Variants in CLU observed in about 807,000 individuals in gnomAD.
CLU encodes aging-associated protein 4.
In CLU, 25 loss-of-function variants were observed where a neutral mutation model predicts 46.4. The ratio of observed to expected loss-of-function variants is 0.54; its 90% confidence interval spans 0.39 to 0.75. The LOEUF (loss-of-function observed/expected upper bound fraction) is 0.75. CLU is among the 30% of genes least tolerant of loss of function. CLU has a pLI of 0.00. For missense variants in CLU, 504 were observed against 592.1 expected (o/e 0.85, Z 1.54); for synonymous variants, 235 against 235.1 (o/e 1.00, Z 0.00).
At position 27,604,917 on chromosome 8, in the gene CLU, T is replaced by G; in HGVS notation, c.829+7A>C. On this transcript the variant is annotated splice_region_variant and intron_variant, in intron 5 of 8. Transcript: ENST00000316403. ...TCAAAAGGCCATGAGCTTCCACCCC[T>G]TCTCACCTCGTATGAATTCTGTTGG... 2 of 1,614,124 alleles carry G rather than the reference T, an allele frequency of 1.2e-6. No individual in the cohort carries two copies. The highest frequency in any genetic ancestry group is 1.7e-6 in the Non-Finnish European group (2 of 1,180,026).
chr8:27,614,635 G>A lies in CLU; in HGVS notation c.-30+20C>T, dbSNP rs768162381. 4 of 524,952 alleles carry A rather than the reference G, an allele frequency of 7.6e-6. No individual in the cohort carries two copies. Among genetic ancestry groups the A allele is most frequent in the Non-Finnish European group, 1.6e-5 (4 of 253,412 alleles). 32.5% of individuals were successfully genotyped at this position (524,952 alleles called of 1,614,324 possible). A position where few individuals can be genotyped will look rare whatever the true frequency, so the allele number is the denominator to read the frequency against. ...CTGGTGTGGCTCTGCTCAAGGGTAGGGAAGACGGGGACATCTCACCGGTCA... is the reference window on the plus strand; with the variant it reads ...CTGGTGTGGCTCTGCTCAAGGGTAGAGAAGACGGGGACATCTCACCGGTCA... On this transcript the variant is annotated intron_variant, in intron 1 of 8. Coordinates refer to ENST00000316403, the MANE Select transcript of CLU (RefSeq NM_001831.4).
chr8:27,598,069 C>T lies in CLU; in HGVS notation c.*172G>A, dbSNP rs1293887794. Reference sequence around the variant, plus strand: ...CTGTTCTTCCCATGAGCAGCAGAGTCGAGTGTTAGAGTGCAGGATCCAGAG... The same window carrying T: ...CTGTTCTTCCCATGAGCAGCAGAGTTGAGTGTTAGAGTGCAGGATCCAGAG... On this transcript the variant is annotated 3_prime_UTR_variant, in exon 9 of 9. Coordinates refer to ENST00000316403, the MANE Select transcript of CLU (RefSeq NM_001831.4). The T allele has an allele frequency of 4.2e-6, 3 of 715,674 alleles. No individual in the cohort carries two copies. Among genetic ancestry groups the T allele is most frequent in the Non-Finnish European group, 7.7e-6 (3 of 387,778 alleles). The allele number at this position is 715,674 out of a possible 1,614,324, so 44.3% of individuals were successfully genotyped here.
chr8:27,610,349 A>C, intron 2 of CLU, 126 bp downstream of exon 2: 4 of 787,206 alleles, frequency 5.1e-6, no homozygotes, highest in South Asian at 1.4e-5. Context: ...ACCCAGACCC[A>C]GTGCACAAGA....
Position 27,597,525 on chromosome 8 carries a change from G to T in CLU, c.*716C>A, listed in dbSNP as rs1563382028. ...TTTTACAAATAAAACCGCTGCAAAA[G>T]CAATAGCTCTTACAAATAAAACTGA... On this transcript the variant is annotated 3_prime_UTR_variant, in exon 9 of 9. Transcript: ENST00000316403. 2.2e-6 allele frequency: 1 copy of T among 454,150 alleles called. No homozygotes were observed. The highest frequency in any genetic ancestry group is 2.3e-5 in the Admixed American group (1 of 42,570). The allele number at this position is 454,150 out of a possible 1,614,324, so 28.1% of individuals were successfully genotyped here. A position where few individuals can be genotyped will look rare whatever the true frequency, so the allele number is the denominator to read the frequency against.
chr8:27,598,453 T>C lies in CLU; in HGVS notation c.1340+7A>G. On this transcript the variant is annotated splice_region_variant and intron_variant, in intron 8 of 8. Transcript: ENST00000316403. ...TGCAGGCCCGCAGGAAAGGCCCGCCTGCTTACCGGTGCTTTTTGCGGTATT... is the reference window on the plus strand; with the variant it reads ...TGCAGGCCCGCAGGAAAGGCCCGCCCGCTTACCGGTGCTTTTTGCGGTATT... The C allele has an allele frequency of 1.2e-6, 2 of 1,613,948 alleles. No homozygotes were observed. The highest frequency in any genetic ancestry group is 1.3e-5 in the African/African-American group (1 of 75,016).
At chr8:27,600,363 T>C (rs1800698458) in intron 6 of CLU, among the ~76,000 whole-genome samples, 1 of 151,904 alleles carries the variant, frequency 6.6e-6, no homozygotes, top group African/African-American at 2.4e-5. Flanking sequence ...GCCTCCTGAG[T>C]AGCTGGGACT....
At position 27,599,747 on chromosome 8, in the gene CLU, C is replaced by T. The variant is rs372066077; in HGVS notation, c.1164+33G>A. The T allele has an allele frequency of 3.9e-6, 6 of 1,525,542 alleles. No homozygotes were observed. Among genetic ancestry groups the T allele is most frequent in the East Asian group, 2.3e-5 (1 of 42,556 alleles). 94.5% of individuals were successfully genotyped at this position (1,525,542 alleles called of 1,614,324 possible). A position where few individuals can be genotyped will look rare whatever the true frequency, so the allele number is the denominator to read the frequency against. ...TGCTCCCGATCACAGCTCGGGCTCC[C>T]GAGCCACAGCATGTGGCCGGGACAC... is the stretch of plus-strand genomic sequence containing the variant. On this transcript the variant is annotated intron_variant, in intron 7 of 8. Transcript: ENST00000316403. The surrounding 1 kb of genome is among the most constrained non-coding windows in gnomAD (Gnocchi z 4.0).
intron 1 of CLU, 128 bp downstream of exon 1, chr8:27,614,527 C>T (rs1166755541): frequency 5.4e-6 from 2 of 367,018 alleles, no homozygotes; most frequent in South Asian, 2.2e-5. Context: ...GCTTCCTGGG[C>T]TCCGTCGAAA....
Position 27,598,230 on chromosome 8 carries a change from A to G in CLU, c.*11T>C, listed in dbSNP as rs1279388266. 3 of 1,613,802 alleles carry G rather than the reference A, an allele frequency of 1.9e-6. No homozygotes were observed. The African/African-American group carries it at 4.0e-5, about 22-fold the overall frequency. On this transcript the variant is annotated 3_prime_UTR_variant, in exon 9 of 9. Transcript: ENST00000316403. The stretch of plus-strand genomic sequence containing the variant: ...AGATGCCCCCGTAGGTGCAAAAGCA[A>G]CATCCACATCTCACTCCTCCCTGAA...
Position 27,598,160 on chromosome 8 carries a change from G to T in CLU, c.*81C>A. ...GCCTGGTTACTTGGTGACGTGCAGA[G>T]CTCTCTCTGGGGGGCTGCAGCTCAT... is the stretch of plus-strand genomic sequence containing the variant. On this transcript the variant is annotated 3_prime_UTR_variant, in exon 9 of 9. Transcript: ENST00000316403. The T allele has an allele frequency of 1.4e-6, 2 of 1,473,600 alleles. No homozygotes were observed. Among genetic ancestry groups the T allele is most frequent in the East Asian group, 2.3e-5 (1 of 43,918 alleles). The allele number at this position is 1,473,600 out of a possible 1,614,324, so 91.3% of individuals were successfully genotyped here. A position where few individuals can be genotyped will look rare whatever the true frequency, so the allele number is the denominator to read the frequency against.
At position 27,610,498 on chromosome 8, in the gene CLU, G is replaced by T. The variant is rs543157739; in HGVS notation, c.74C>A (p.Thr25Lys). Reference protein sequence around the residue: ...WESGQVLGDQTVSDNELQEMS... With the variant: ...WESGQVLGDQKVSDNELQEMS... ...ACCCTGGAGCTCATTGTCTGAGACC[G>T]TCTGGTCCCCCAGGACCTGCCCACT... The change falls in exon 2 of 9, where the codon ACG (threonine) becomes AAG (lysine). Residue 25 changes from threonine to lysine, a missense_variant. Physicochemically the swap from Thr to Lys is moderately conservative, Grantham distance 78. Coordinates refer to ENST00000316403, the MANE Select transcript of CLU (RefSeq NM_001831.4). 6.2e-7 allele frequency: 1 copy of T among 1,614,008 alleles called. No individual in the cohort carries two copies. Among genetic ancestry groups the T allele is most frequent in the East Asian group, 2.2e-5 (1 of 44,886 alleles).
At chr8:27,601,338 A>G (rs1167723755) in intron 6 of CLU, among the ~76,000 whole-genome samples, 2 of 152,042 alleles carry the variant, frequency 1.3e-5, no homozygotes, top group Admixed American at 6.5e-5. Context: ...GTGTGAGCCA[A>G]TGCACCCGGT....
intron 3 of CLU, among the ~76,000 whole-genome samples, chr8:27,607,077 C>T (rs1481382089): frequency 6.6e-6 from 1 of 152,214 alleles, no homozygotes; most frequent in Non-Finnish European, 1.5e-5. Flanking sequence ...GCAGCTGACA[C>T]CTGTAATCCC....
chr8:27,613,882 T>A (rs546319568), intron 1 of CLU: 3 of 152,288 alleles, frequency 2.0e-5, no homozygotes, highest in East Asian at 1.9e-4. Flanking sequence ...GTTTAAAAAA[T>A]AATAATAAAA....
chr8:27,599,710 C>T lies in CLU; in HGVS notation c.1164+70G>A, dbSNP rs1016862035. ...CGTGTGATAAATGCTCAGTCAAAAG[C>T]ACACATGCCCCTGCTCCCGATCACA... On this transcript the variant is annotated intron_variant, in intron 7 of 8. Coordinates refer to ENST00000316403, the MANE Select transcript of CLU (RefSeq NM_001831.4). The surrounding 1 kb of genome is among the most constrained non-coding windows in gnomAD (Gnocchi z 4.0). 3.5e-5 allele frequency: 41 copies of T among 1,182,034 alleles called. No individual in the cohort carries two copies. The highest frequency in any genetic ancestry group is 5.9e-5 in the Admixed American group (3 of 50,828). The allele number at this position is 1,182,034 out of a possible 1,614,324, so 73.2% of individuals were successfully genotyped here.
At chr8:27,610,647 GGCGTC>G in intron 1 of CLU, 47 bp from the exon 2 acceptor site, 1 of 1,490,268 alleles carries the variant, frequency 6.7e-7, no homozygotes. Flanking sequence ...ACAGCCTGCT[GGCGTC>G]CCGCCCACCT....
At position 27,597,151 on chromosome 8, in the gene CLU, T is replaced by G. The variant is rs1800613060; in HGVS notation, c.*1090A>C. 2.2e-6 allele frequency: 1 copy of G among 453,992 alleles called. No homozygotes were observed. Among genetic ancestry groups the G allele is most frequent in the African/African-American group, 2.0e-5 (1 of 50,006 alleles). 28.1% of individuals were successfully genotyped at this position (453,992 alleles called of 1,614,324 possible). On this transcript the variant is annotated 3_prime_UTR_variant, in exon 9 of 9. Coordinates refer to ENST00000316403, the MANE Select transcript of CLU (RefSeq NM_001831.4). ...CAAAGAGAGACAAGGGACAGTGACT[T>G]AAGAATATTCTAAGCTATAAATTTA...
In CLU at chr8:27,597,126, C is replaced by A; in HGVS notation, c.*1115G>T. The A allele has an allele frequency of 2.2e-6, 1 of 454,032 alleles. No homozygotes were observed. 28.1% of individuals were successfully genotyped at this position (454,032 alleles called of 1,614,324 possible). A position where few individuals can be genotyped will look rare whatever the true frequency, so the allele number is the denominator to read the frequency against. On this transcript the variant is annotated 3_prime_UTR_variant, in exon 9 of 9. Transcript: ENST00000316403. ...GCTTTAAGTTTGTTGTTTATAACTT[C>A]AAAGAGAGACAAGGGACAGTGACTT...
At chr8:27,600,105 G>T in intron 6 of CLU, 96 bp from the exon 7 acceptor site, 1 of 935,792 alleles carries the variant, frequency 1.1e-6, no homozygotes, top group Non-Finnish European at 1.7e-6. Context: ...CATGCAGCGG[G>T]AACAAAAGCA....
Sources: allele counts gnomAD v4.1 joint callset (sites outside exome capture counted in the v4.1 genomes callset), GRCh38; gene constraint gnomAD v4.1.1; non-coding constraint Gnocchi (gnomAD v3.1); transcripts MANE v1.5; gene names NCBI Gene and HGNC (gene_info 2026-07-23, HGNC 2026-07-21).